The following LYRM4 variants were observed in gnomAD, a reference collection of about 807,000 sequenced individuals.
The protein encoded by LYRM4 is LYR motif containing 4, also known as LYR motif-containing protein 4.
In LYRM4, 9 loss-of-function variants were observed where a neutral mutation model predicts 11.7. The ratio of observed to expected loss-of-function variants is 0.77; its 90% CI spans 0.46 to 1.34. The LOEUF is 1.34. Among genes scored for constraint, LYRM4 ranks in the 40% most tolerant of loss-of-function variants. The probability of loss-of-function intolerance (pLI) is 0.00; values close to 1 mark genes in which losing one functional copy is unlikely to be tolerated. For missense variants in LYRM4, 133 were observed against 112.5 expected (o/e 1.18, Z -0.82); for synonymous variants, 42 against 40.4 (o/e 1.04, Z -0.15).
At chr6:5,142,647 C>T (rs1338403997) in intron 2 of LYRM4, among the ~76,000 whole-genome samples, 2 of 152,214 alleles carry the variant, frequency 1.3e-5, no homozygotes, top group South Asian at 2.1e-4. Context: ...CCATTCCCCA[C>T]CCCCTTCTAC....
At chr6:5,250,478 T>G (rs1764377312) in intron 1 of LYRM4, among the ~76,000 whole-genome samples, 1 of 152,248 alleles carries the variant, frequency 6.6e-6, no homozygotes, top group Admixed American at 6.5e-5. Flanking sequence ...TTTTTATTTT[T>G]TGAAACCATT....
intron 2 of LYRM4, among the ~76,000 whole-genome samples, chr6:5,154,486 TC>T (rs1758271622): frequency 6.6e-6 from 1 of 151,976 alleles, no homozygotes; most frequent in Non-Finnish European, 1.5e-5. Context: ...GATGGAAACA[TC>T]AGAAGACAAC....
At chr6:5,237,427 C>T (rs576415497) in intron 1 of LYRM4, among the ~76,000 whole-genome samples, 22 of 151,810 alleles carry the variant, frequency 1.4e-4, no homozygotes, top group East Asian at 7.7e-4. Context: ...ACAAGCTCAG[C>T]GCTCCCACTG....
chr6:5,223,444 A>C (rs1762702956), intron 1 of LYRM4, among the ~76,000 whole-genome samples: 1 of 152,192 alleles, frequency 6.6e-6, no homozygotes, highest in South Asian at 2.1e-4. Flanking sequence ...TTCTGAACCC[A>C]GTTGACTCTA....
In LYRM4 at chr6:5,136,724, C is replaced by T. The variant is rs760677087; in HGVS notation, c.208-27233G>A. On this transcript the variant is annotated intron_variant, in intron 2 of 2. Coordinates refer to ENST00000330636, the MANE Select transcript of LYRM4 (RefSeq NM_020408.6). ...AGTCTGTGGTAATGACATGCTAAAC[C>T]GCCCCAAGGAGCAGCGCCTGTAGGA... 85 of 985,248 alleles carry T rather than the reference C, an allele frequency of 8.6e-5. 1 individual carries two copies. The highest frequency in any genetic ancestry group is 1.2e-4 in the Admixed American group (2 of 16,252). The allele number at this position is 985,248 out of a possible 1,614,324, so 61.0% of individuals were successfully genotyped here.
At chr6:5,112,944 G>A (rs891645513) in intron 2 of LYRM4, 3 of 160,528 alleles carry the variant, frequency 1.9e-5, no homozygotes, top group Middle Eastern at 6.0e-3. Context: ...GCAGAGAAGA[G>A]AGAATAAAAG....
the LYRM4 span, among the ~76,000 whole-genome samples, chr6:5,069,769 G>A: frequency 2.8e-4 from 43 of 152,262 alleles, no homozygotes; most frequent in Non-Finnish European, 4.3e-4. Context: ...GTGAGCCACC[G>A]TGCCCGGCCT....
At chr6:5,160,559 T>G (rs1006260894) in intron 2 of LYRM4, among the ~76,000 whole-genome samples, 1 of 152,116 alleles carries the variant, frequency 6.6e-6, no homozygotes, top group Non-Finnish European at 1.5e-5. Flanking sequence ...CCAAGGCTGT[T>G]TTTTAAAGGA....
intron 1 of LYRM4, among the ~76,000 whole-genome samples, chr6:5,238,572 A>C (rs546216158): frequency 2.6e-5 from 4 of 152,366 alleles, no homozygotes; most frequent in Non-Finnish European, 5.9e-5. Flanking sequence ...TAGTTTATTC[A>C]GTCAGTTGAC....
chr6:5,066,344 A>G, the LYRM4 span: 1 of 723,386 alleles, frequency 1.4e-6, no homozygotes, highest in South Asian at 1.4e-5. Context: ...CTAGAAGTAC[A>G]GGAATACGTC....
intron 2 of LYRM4, among the ~76,000 whole-genome samples, chr6:5,192,138 C>T (rs1760791120): frequency 6.6e-6 from 1 of 152,138 alleles, no homozygotes; most frequent in Admixed American, 6.5e-5. Flanking sequence ...AGGCAGTGGG[C>T]TTATAATCCA....
chr6:5,067,324 A>T, the LYRM4 span, among the ~76,000 whole-genome samples: 1 of 152,194 alleles, frequency 6.6e-6, no homozygotes, highest in Non-Finnish European at 1.5e-5. Context: ...AGGGTTAGGG[A>T]ATTGGGGAAT....
At chr6:5,251,159 AGT>A (rs531572421) in intron 1 of LYRM4, among the ~76,000 whole-genome samples, 7 of 152,336 alleles carry the variant, frequency 4.6e-5, no homozygotes, top group Admixed American at 1.3e-4. Flanking sequence ...ACTAGGTTCT[AGT>A]GTGGTAATAT....
intron 2 of LYRM4, among the ~76,000 whole-genome samples, chr6:5,159,889 C>A (rs1758649030): frequency 6.6e-6 from 1 of 152,222 alleles, no homozygotes; most frequent in Non-Finnish European, 1.5e-5. Context: ...TATTTTCTCA[C>A]ATCCTCATCT....
chr6:5,235,551 A>G (rs1763492887), intron 1 of LYRM4, among the ~76,000 whole-genome samples: 1 of 152,218 alleles, frequency 6.6e-6, no homozygotes, highest in South Asian at 2.1e-4. Context: ...TTTAATAGCC[A>G]TTATAGCAAA....
Position 5,198,555 on chromosome 6 carries a change from G to C in LYRM4, c.207+18063C>G, listed in dbSNP as rs1209010330. Reference sequence around the variant, plus strand: ...TTCTCTTCCACTGCAGCTCAGGGAGGGCCACAGGGAGCAGTGAGAGACAGG... The same window carrying C: ...TTCTCTTCCACTGCAGCTCAGGGAGCGCCACAGGGAGCAGTGAGAGACAGG... On this transcript the variant is annotated intron_variant, in intron 2 of 2. Transcript: ENST00000330636. Among the ~76,000 whole-genome samples, 3 of 152,168 alleles carry C rather than the reference G, an allele frequency of 2.0e-5. No homozygotes were observed. The East Asian group carries it at 5.8e-4, about 29-fold the overall frequency.
At chr6:5,133,354 A>C (rs1299908685) in intron 2 of LYRM4, among the ~76,000 whole-genome samples, 2 of 152,220 alleles carry the variant, frequency 1.3e-5, no homozygotes, top group African/African-American at 4.8e-5. Context: ...ACAGGAGTGC[A>C]AAAGACATAG....
In LYRM4 at chr6:5,144,910, G is replaced by A. The variant is rs1581371832; in HGVS notation, c.208-35419C>T. Among the ~76,000 whole-genome samples, 4 of 152,334 alleles carry A rather than the reference G, an allele frequency of 2.6e-5. 1 individual carries two copies. ...TAGGTCTGTGCTGAGACGCTTTGAC[G>A]CGACATGGGAAGCAGGCGCAGGCCA... On this transcript the variant is annotated intron_variant, in intron 2 of 2. Coordinates refer to ENST00000330636, the MANE Select transcript of LYRM4 (RefSeq NM_020408.6).
intron 1 of LYRM4, among the ~76,000 whole-genome samples, chr6:5,244,666 G>A (rs1428958494): frequency 6.6e-6 from 1 of 152,086 alleles, no homozygotes; most frequent in East Asian, 1.9e-4. Context: ...GTTGGGACCT[G>A]CTGTCTGCAT....
Sources: allele counts gnomAD v4.1 joint callset (sites outside exome capture counted in the v4.1 genomes callset), GRCh38; gene constraint gnomAD v4.1.1; transcripts MANE v1.5; gene names NCBI Gene and HGNC (gene_info 2026-07-23, HGNC 2026-07-21).